ELK3: variants seen among roughly 807,000 people sequenced by gnomAD.
ELK3 encodes ETS transcription factor ELK3.
In ELK3, 10 loss-of-function variants were observed where a neutral mutation model predicts 28.9. The observed-to-expected ratio is 0.35, with a 90% CI of 0.21 to 0.59. ELK3 has a LOEUF of 0.59. Ranked by LOEUF, ELK3 falls within the 20% of genes least tolerant of loss-of-function variation. The probability of loss-of-function intolerance (pLI) is 0.82; values close to 1 mark genes in which losing one functional copy is unlikely to be tolerated. For missense variants in ELK3, 463 were observed against 517.3 expected, an observed-to-expected ratio of 0.90 and a Z score of 1.02; for synonymous variants, 272 against 243.5, an observed-to-expected ratio of 1.12 and a Z score of -1.09.
At chr12:96,265,905 A>G (rs1480574184) in intron 4 of ELK3, among the ~76,000 whole-genome samples, 1 of 152,234 alleles carries the variant, frequency 6.6e-6, no homozygotes, top group Non-Finnish European at 1.5e-5. Flanking sequence ...ATAATCATTA[A>G]AGAAATTAAA....
chr12:96,237,782 G>A (rs1951795070), intron 2 of ELK3, among the ~76,000 whole-genome samples: 1 of 152,254 alleles, frequency 6.6e-6, no homozygotes. Context: ...ATGCCAGCAA[G>A]ACCCCATCTC....
intron 3 of ELK3, among the ~76,000 whole-genome samples, chr12:96,256,804 G>C (rs1318338913): frequency 1.3e-5 from 2 of 152,174 alleles, no homozygotes; most frequent in Non-Finnish European, 2.9e-5. Flanking sequence ...ATTTTGATGG[G>C]CAGAGGAAGG....
At chr12:96,215,358 G>T (rs184442074) in intron 1 of ELK3, among the ~76,000 whole-genome samples, 19 of 152,192 alleles carry the variant, frequency 1.2e-4, no homozygotes, top group African/African-American at 3.6e-4. Flanking sequence ...TTAAGACGTC[G>T]GGCGCCACCT....
chr12:96,209,286 T>C (rs146067628), intron 1 of ELK3, among the ~76,000 whole-genome samples: 1 of 152,312 alleles, frequency 6.6e-6, no homozygotes, highest in African/African-American at 2.4e-5. Context: ...TGGGTGGTGC[T>C]GCAGGAATTC....
In ELK3 at chr12:96,247,256, C is replaced by T. The variant is rs755788844; in HGVS notation, c.524C>T (p.Pro175Leu). The T allele has an allele frequency of 5.6e-6, 9 of 1,614,096 alleles. No individual in the cohort carries two copies. In the Admixed American group the frequency reaches 1.2e-4, roughly 21 times the overall value. The change falls in exon 3 of 5, where the codon CCC becomes CTC. Residue 175 changes from proline (P) to leucine (L), a missense_variant. Pro to Leu is a moderately conservative substitution (Grantham distance 98). This residue lies in a region of ELK3 where 408 missense variants were observed against 414.8 expected (regional missense o/e 0.98). Transcript: ENST00000228741. This position sits in a 1 kb window ranked among gnomAD's most constrained non-coding sequence, Gnocchi z 5.5. The stretch of plus-strand genomic sequence containing the variant: ...GAGGAGCCGCCCGAAGACAGCCCCC[C>T]CGTGGAAGAAGTCAGGACTGTGATC... ...KLEEPPEDSP[P>L]VEEVRTVIRF...
intron 2 of ELK3, among the ~76,000 whole-genome samples, chr12:96,231,605 G>A (rs1047877367): frequency 1.3e-5 from 2 of 152,210 alleles, no homozygotes; most frequent in African/African-American, 4.8e-5. Flanking sequence ...TGATTCTCCT[G>A]CCTCAGCCTC....
In ELK3 at chr12:96,267,368, T is replaced by C; in HGVS notation, c.*188T>C. On this transcript the variant is annotated 3_prime_UTR_variant, in exon 5 of 5. Coordinates refer to ENST00000228741, the MANE Select transcript of ELK3 (RefSeq NM_005230.4). ...TGTTTTTGATATATTCAAGTATATA[T>C]GAAAATCTGTTTGGCATTAAGTGAA... 2.1e-6 allele frequency: 1 copy of C among 483,408 alleles called. No homozygotes were observed. Among genetic ancestry groups the C allele is most frequent in the East Asian group, 3.6e-5 (1 of 27,810 alleles). 29.9% of individuals were successfully genotyped at this position (483,408 alleles called of 1,614,324 possible).
intron 1 of ELK3, among the ~76,000 whole-genome samples, chr12:96,206,830 C>T (rs547280711): frequency 6.6e-6 from 1 of 152,146 alleles, no homozygotes; most frequent in South Asian, 2.1e-4. Flanking sequence ...CACCAACAGC[C>T]AGTCTCTTCC....
At chr12:96,231,020 G>A (rs963771260) in intron 2 of ELK3, among the ~76,000 whole-genome samples, 4 of 152,222 alleles carry the variant, frequency 2.6e-5, no homozygotes, top group African/African-American at 9.6e-5. Flanking sequence ...AAACACACAG[G>A]TCATGGGAGG....
chr12:96,234,162 G>A (rs2137023447), intron 2 of ELK3, among the ~76,000 whole-genome samples: 1 of 152,322 alleles, frequency 6.6e-6, no homozygotes, highest in Admixed American at 6.5e-5. Flanking sequence ...TGAAGGTGCT[G>A]CCTGTCTTGC....
chr12:96,258,012 G>A (rs1050264435), intron 3 of ELK3, among the ~76,000 whole-genome samples: 1 of 152,228 alleles, frequency 6.6e-6, no homozygotes, highest in Non-Finnish European at 1.5e-5. Context: ...TCTTATAAGA[G>A]CTTGCAGTAG....
intron 1 of ELK3, among the ~76,000 whole-genome samples, chr12:96,211,995 A>G (rs1951582294): frequency 6.6e-6 from 1 of 152,238 alleles, no homozygotes; most frequent in African/African-American, 2.4e-5. Context: ...AATGTTAATT[A>G]CTTTGGGGAG....
intron 2 of ELK3, among the ~76,000 whole-genome samples, chr12:96,236,439 C>T (rs959414960): frequency 1.3e-5 from 2 of 152,168 alleles, no homozygotes; most frequent in African/African-American, 2.4e-5. Context: ...TGCAGTTTAC[C>T]GGTGCCAGAA....
In ELK3 at chr12:96,196,493, C is replaced by T. The variant is rs184354705; in HGVS notation, c.-3+1788C>T. 2.6e-3 allele frequency among the ~76,000 whole-genome samples: 389 copies of T among 152,100 alleles called. 5 individuals carry two copies. Among genetic ancestry groups the T allele is most frequent in the African/African-American group, 9.0e-3 (375 of 41,474 alleles). The stretch of plus-strand genomic sequence containing the variant: ...TCGATTTGTGAGCCTTACAAAATAC[C>T]CTCTGATCTCTTTTTCTTTCTCTCT... On this transcript the variant is annotated intron_variant, in intron 1 of 4. Coordinates refer to ENST00000228741, the MANE Select transcript of ELK3 (RefSeq NM_005230.4).
chr12:96,263,364 GTTTA>G (rs1001927474), intron 4 of ELK3, among the ~76,000 whole-genome samples: 1 of 152,144 alleles, frequency 6.6e-6, no homozygotes, highest in Non-Finnish European at 1.5e-5. Flanking sequence ...TTCTTGGACA[GTTTA>G]TTATTTTCTT....
At chr12:96,215,139 T>C (rs1380785279) in intron 1 of ELK3, among the ~76,000 whole-genome samples, 2 of 151,984 alleles carry the variant, frequency 1.3e-5, no homozygotes, top group South Asian at 2.1e-4. Flanking sequence ...TCGTTTCTTA[T>C]TTCCCACCAC....
At chr12:96,245,044 C>T (rs1951847043) in intron 2 of ELK3, among the ~76,000 whole-genome samples, 1 of 152,132 alleles carries the variant, frequency 6.6e-6, no homozygotes, top group Non-Finnish European at 1.5e-5. Context: ...GCCACTGGAA[C>T]TGTTGTTTGG....
intron 2 of ELK3, among the ~76,000 whole-genome samples, chr12:96,239,986 G>A (rs1004865613): frequency 5.9e-5 from 9 of 152,244 alleles, no homozygotes; most frequent in African/African-American, 1.9e-4. Context: ...CTGCGGCTCC[G>A]TGTGTCCCCC....
intron 1 of ELK3, among the ~76,000 whole-genome samples, chr12:96,201,466 A>G (rs1951507180): frequency 1.3e-5 from 2 of 151,096 alleles, no homozygotes; most frequent in South Asian, 4.2e-4. Flanking sequence ...GCCAAAAATT[A>G]GCTAGACGTG....
Sources: gnomAD v4.1 joint callset for allele counts (sites outside exome capture counted in the v4.1 genomes callset) on GRCh38, gnomAD v4.1.1 for gene constraint, gnomAD v4.1.1 regional missense constraint, Gnocchi (gnomAD v3.1) non-coding constraint, MANE v1.5 for transcripts, NCBI Gene and HGNC (gene_info 2026-07-23, HGNC 2026-07-21) for gene names.